APELA: variants seen among roughly 807,000 people sequenced by gnomAD.
APELA encodes the protein protein Elabela.
In APELA at chr4:164,878,946, C is replaced by A; in HGVS notation, c.103C>A (p.Arg35Ser). 1 of 398,942 alleles carries A rather than the reference C, an allele frequency of 2.5e-6. No individual in the cohort carries two copies. The highest frequency in any genetic ancestry group is 4.4e-6 in the Non-Finnish European group (1 of 226,012). The allele number at this position is 398,942 out of a possible 1,614,324, so 24.7% of individuals were successfully genotyped here. A position where few individuals can be genotyped will look rare whatever the true frequency, so the allele number is the denominator to read the frequency against. ...PVNLTMRRKL[R>S]KHNCLQRRCM... is the part of the protein sequence containing the mutation. Reference sequence around the variant, plus strand: ...TAATTTGACCATGAGAAGAAAACTGCGCAAACACAATTGCCTTCAGAGGAG... The same window carrying A: ...TAATTTGACCATGAGAAGAAAACTGAGCAAACACAATTGCCTTCAGAGGAG... The change falls in exon 2 of 3, where the codon CGC (arginine) becomes AGC (serine). Residue 35 changes from arginine (R) to serine (S), a missense_variant. Transcript: ENST00000507152.
Position 164,885,063 on chromosome 4 carries a change from G to A in APELA, c.*1+6054G>A, listed in dbSNP as rs184838451. On this transcript the variant is annotated intron_variant, in intron 2 of 2. Coordinates refer to ENST00000507152, the MANE Select transcript of APELA (RefSeq NM_001297550.2). The stretch of plus-strand genomic sequence containing the variant: ...ATGCTGTAAATTCCCTGAAGGCCGA[G>A]GGTAGGTTTTATTTATCTTTGTATT... 3.3e-5 allele frequency among the ~76,000 whole-genome samples: 5 copies of A among 152,176 alleles called. No individual in the cohort carries two copies. The East Asian group carries it at 9.7e-4, about 29-fold the overall frequency.
intron 2 of APELA, among the ~76,000 whole-genome samples, chr4:164,882,757 C>G (rs961211904): frequency 1.3e-5 from 2 of 152,146 alleles, no homozygotes; most frequent in African/African-American, 4.8e-5. Context: ...TCCCCCCACC[C>G]CACAACAGTC....
intron 2 of APELA, among the ~76,000 whole-genome samples, chr4:164,887,834 A>G (rs1730802785): frequency 6.6e-6 from 1 of 151,978 alleles, no homozygotes; most frequent in Non-Finnish European, 1.5e-5. Context: ...CTGGTCTCGA[A>G]CTCCTGACCT....
At chr4:164,894,544 A>G (rs1210922963) in intron 2 of APELA, among the ~76,000 whole-genome samples, 1 of 151,932 alleles carries the variant, frequency 6.6e-6, no homozygotes, top group African/African-American at 2.4e-5. Flanking sequence ...AGCGGGGAAT[A>G]TAGGCATGCA....
intron 2 of APELA, 85 bp from the exon 3 acceptor site, chr4:164,895,331 A>T (rs1329816571): frequency 6.7e-6 from 1 of 149,684 alleles, no homozygotes; most frequent in African/African-American, 2.5e-5. Flanking sequence ...ACTCATTATT[A>T]AAAAAAAAAT....
chr4:164,894,003 T>G (rs562082827), intron 2 of APELA, among the ~76,000 whole-genome samples: 1 of 152,224 alleles, frequency 6.6e-6, no homozygotes, highest in Non-Finnish European at 1.5e-5. Flanking sequence ...ATAAGAATAT[T>G]GTGCAGTATA....
At chr4:164,877,524 TG>T (rs1730576865) in intron 1 of APELA, 117 bp downstream of exon 1, 1 of 397,212 alleles carries the variant, frequency 2.5e-6, no homozygotes, top group East Asian at 3.6e-5. Flanking sequence ...TTAGTAGTAT[TG>T]GGGATAAATG....
intron 2 of APELA, among the ~76,000 whole-genome samples, chr4:164,892,994 T>C (rs976858040): frequency 2.0e-5 from 3 of 152,132 alleles, no homozygotes; most frequent in Non-Finnish European, 2.9e-5. Flanking sequence ...CTTTTCTCTT[T>C]TATTCTTGGT....
At chr4:164,893,579 A>T (rs1730919396) in intron 2 of APELA, among the ~76,000 whole-genome samples, 1 of 152,038 alleles carries the variant, frequency 6.6e-6, no homozygotes. Context: ...TCTAGTAATA[A>T]TTTTTGTCTT....
At chr4:164,883,309 T>A (rs1579107937) in intron 2 of APELA, among the ~76,000 whole-genome samples, 1 of 152,174 alleles carries the variant, frequency 6.6e-6, no homozygotes, top group Non-Finnish European at 1.5e-5. Flanking sequence ...TATTTCAAAC[T>A]AATAACCTCT....
intron 2 of APELA, among the ~76,000 whole-genome samples, chr4:164,886,761 A>G (rs1161637071): frequency 6.6e-6 from 1 of 152,186 alleles, no homozygotes; most frequent in Non-Finnish European, 1.5e-5. Flanking sequence ...CAATAATTGT[A>G]TATTCCTCTG....
At position 164,896,209 on chromosome 4, in the gene APELA, T is replaced by C. The variant is rs147604654; in HGVS notation, c.*795T>C. 6.6e-6 allele frequency: 1 copy of C among 152,268 alleles called. No homozygotes were observed. 9.4% of individuals were successfully genotyped at this position (152,268 alleles called of 1,614,324 possible). On this transcript the variant is annotated 3_prime_UTR_variant, in exon 3 of 3. Transcript: ENST00000507152. ...CCCGAGTTCAAGTGATTCTCGTGCC[T>C]CAACCTCCCAATTATAGGCTGGGAT...
chr4:164,877,667 C>A (rs1730580883), intron 1 of APELA, among the ~76,000 whole-genome samples: 1 of 152,126 alleles, frequency 6.6e-6, no homozygotes, highest in East Asian at 1.9e-4. Flanking sequence ...GATCTCTAAG[C>A]TATTGCAGAT....
intron 2 of APELA, among the ~76,000 whole-genome samples, chr4:164,881,345 T>A (rs1730649636): frequency 6.6e-6 from 1 of 152,160 alleles, no homozygotes; most frequent in African/African-American, 2.4e-5. Context: ...GGTAAACAAT[T>A]GACTTTGAAA....
rs191756197 is a variant in APELA at position 164,889,396 on chromosome 4, G to C, written c.*2-6020G>C. 3.6e-3 allele frequency among the ~76,000 whole-genome samples: 545 copies of C among 151,696 alleles called. 2 individuals carry two copies. Among genetic ancestry groups the C allele is most frequent in the Non-Finnish European group, 4.5e-3 (305 of 67,918 alleles). The stretch of plus-strand genomic sequence containing the variant: ...ACATATGAAATCCATTTACTGCTTT[G>C]TCTTTTACTTAGCATCTAAGTGACA... On this transcript the variant is annotated intron_variant, in intron 2 of 2. Transcript: ENST00000507152.
At chr4:164,894,810 C>A (rs1351086824) in intron 2 of APELA, among the ~76,000 whole-genome samples, 1 of 152,184 alleles carries the variant, frequency 6.6e-6, no homozygotes, top group Admixed American at 6.5e-5. Flanking sequence ...TAGGTGTGAG[C>A]CATCATGCCT....
chr4:164,886,836 T>C (rs1040777296), intron 2 of APELA, among the ~76,000 whole-genome samples: 1 of 152,098 alleles, frequency 6.6e-6, no homozygotes, highest in Admixed American at 6.5e-5. Context: ...TCTTTTTTTT[T>C]TGGGACAGAG....
At chr4:164,878,041 G>A (rs1418073828) in intron 1 of APELA, among the ~76,000 whole-genome samples, 1 of 151,460 alleles carries the variant, frequency 6.6e-6, no homozygotes, top group Non-Finnish European at 1.5e-5. Flanking sequence ...CAAGTATATT[G>A]TACTTAACCA....
chr4:164,885,926 C>A (rs548232525), intron 2 of APELA, among the ~76,000 whole-genome samples: 1 of 152,044 alleles, frequency 6.6e-6, no homozygotes, highest in Non-Finnish European at 1.5e-5. Flanking sequence ...AATTTCTTCT[C>A]TCATCAAGTC....
Sources: gnomAD v4.1 joint callset for allele counts (sites outside exome capture counted in the v4.1 genomes callset) on GRCh38, gnomAD v4.1.1 for gene constraint, MANE v1.5 for transcripts, NCBI Gene and HGNC (gene_info 2026-07-23, HGNC 2026-07-21) for gene names.